Variants in SLC6A11 observed in about 807,000 individuals in gnomAD.
SLC6A11 encodes solute carrier family 6 member 11, also known as sodium- and chloride-dependent GABA transporter 3.
In SLC6A11, 25 loss-of-function variants were observed where a neutral mutation model predicts 74.8. The ratio of observed to expected loss-of-function variants is 0.33; its 90% CI spans 0.24 to 0.47. The LOEUF is 0.47. Among genes scored for constraint, SLC6A11 ranks in the 20% least tolerant of loss-of-function variants. The probability of loss-of-function intolerance (pLI) is 1.00; values close to 1 mark genes in which losing one functional copy is unlikely to be tolerated. For missense variants in SLC6A11, 574 were observed against 837.0 expected, an observed-to-expected ratio of 0.69 and a Z score of 3.88; for synonymous variants, 330 against 330.2, an observed-to-expected ratio of 1.00 and a Z score of 0.01.
At chr3:10,828,753 C>T (rs146899120) in intron 4 of SLC6A11, among the ~76,000 whole-genome samples, 5 of 152,290 alleles carry the variant, frequency 3.3e-5, no homozygotes, top group Non-Finnish European at 7.3e-5. Flanking sequence ...CCATGGAATC[C>T]ACACCCCAGT....
intron 4 of SLC6A11, among the ~76,000 whole-genome samples, chr3:10,829,974 T>C (rs999012371): frequency 1.3e-5 from 2 of 152,046 alleles, no homozygotes; most frequent in Non-Finnish European, 2.9e-5. Context: ...GTGCTGGGCA[T>C]CTTATAAGTA....
chr3:10,911,436 A>G (rs1404200808), intron 6 of SLC6A11, among the ~76,000 whole-genome samples: 1 of 152,168 alleles, frequency 6.6e-6, no homozygotes, highest in African/African-American at 2.4e-5. Flanking sequence ...GGACTAGGAA[A>G]GTAGTTATCT....
intron 5 of SLC6A11, among the ~76,000 whole-genome samples, chr3:10,860,557 A>T (rs1391076842): frequency 1.3e-5 from 2 of 152,202 alleles, no homozygotes; most frequent in African/African-American, 2.4e-5. Flanking sequence ...GGGAAAATCC[A>T]GGCTAATGAG....
chr3:10,859,913 T>C (rs1332905187), intron 5 of SLC6A11, among the ~76,000 whole-genome samples: 1 of 152,244 alleles, frequency 6.6e-6, no homozygotes, highest in Non-Finnish European at 1.5e-5. Context: ...CAGACTCTAC[T>C]GTTGCTTTGA....
chr3:10,916,514 G>T (rs1351550664), intron 7 of SLC6A11, among the ~76,000 whole-genome samples: 3 of 152,212 alleles, frequency 2.0e-5, no homozygotes. Flanking sequence ...AGCTCCACGT[G>T]TGTACATTCT....
chr3:10,845,573 C>G (rs942418060), intron 5 of SLC6A11, among the ~76,000 whole-genome samples: 1 of 152,134 alleles, frequency 6.6e-6, no homozygotes, highest in Non-Finnish European at 1.5e-5. Flanking sequence ...AAAAGATGTT[C>G]CCCTCAGCTC....
chr3:10,827,259 A>G (rs11128528), intron 4 of SLC6A11, among the ~76,000 whole-genome samples: 60,809 of 151,952 alleles, frequency 0.4, 13,602 homozygotes, highest in African/African-American at 0.59. Flanking sequence ...TTATTTTCCT[A>G]TGGAATAAAT....
intron 6 of SLC6A11, among the ~76,000 whole-genome samples, chr3:10,888,338 G>C (rs1283580202): frequency 2.0e-5 from 3 of 152,196 alleles, no homozygotes; most frequent in African/African-American, 7.2e-5. Flanking sequence ...CAGCCAGATT[G>C]GGGGAAAATG....
At chr3:10,900,073 TGGA>T (rs1324391280) in intron 6 of SLC6A11, among the ~76,000 whole-genome samples, 162 of 152,342 alleles carry the variant, frequency 1.1e-3, no homozygotes, top group African/African-American at 3.8e-3. Flanking sequence ...AAATGGGGGT[TGGA>T]TGTGCATGTC....
intron 4 of SLC6A11, among the ~76,000 whole-genome samples, chr3:10,828,802 C>G (rs1290856056): frequency 6.6e-6 from 1 of 152,206 alleles, no homozygotes; most frequent in East Asian, 1.9e-4. Flanking sequence ...TGCCCCATCA[C>G]TCTTTCTTAA....
At chr3:10,919,678 C>A (rs558468752) in intron 8 of SLC6A11, among the ~76,000 whole-genome samples, 6 of 152,324 alleles carry the variant, frequency 3.9e-5, no homozygotes, top group African/African-American at 1.2e-4. Flanking sequence ...CTGAGGAAAT[C>A]AGGCGTACAA....
At chr3:10,892,486 C>G (rs1179571375) in intron 6 of SLC6A11, among the ~76,000 whole-genome samples, 2 of 152,112 alleles carry the variant, frequency 1.3e-5, no homozygotes, top group Non-Finnish European at 2.9e-5. Flanking sequence ...GCTCCACCAC[C>G]GACCTTGAAC....
At chr3:10,875,976 TAATC>T (rs1575685656) in intron 6 of SLC6A11, among the ~76,000 whole-genome samples, 1 of 152,258 alleles carries the variant, frequency 6.6e-6, no homozygotes, top group Admixed American at 6.5e-5. Flanking sequence ...TGAAATAACT[TAATC>T]AAAGACATTT....
rs768207772 is a variant in SLC6A11, at chr3:10,816,433, G to A, written c.168G>A (p.Lys56=). The A allele has an allele frequency of 6.2e-7, 1 of 1,603,586 alleles. No individual in the cohort carries two copies. The highest frequency in any genetic ancestry group is 1.7e-5 in the Admixed American group (1 of 59,326). The part of the protein sequence containing the change: ...AVHERGHWNN[K]VEFVLSVAGE... The stretch of plus-strand genomic sequence containing the variant: ...ACGAGCGCGGCCACTGGAACAACAA[G>A]GTGGAGTTCGTGCTGAGCGTGGCCG... Residue 56 remains lysine, a synonymous_variant, in exon 1 of 14, where the codon AAG becomes AAA. Coordinates refer to ENST00000254488, the MANE Select transcript of SLC6A11 (RefSeq NM_014229.3). This position sits in a 1 kb window ranked among gnomAD's most constrained non-coding sequence, Gnocchi z 4.2.
chr3:10,842,633 C>T (rs1457463835), intron 4 of SLC6A11, among the ~76,000 whole-genome samples: 1 of 151,886 alleles, frequency 6.6e-6, no homozygotes, highest in African/African-American at 2.4e-5. Flanking sequence ...TTTTTTGGTC[C>T]ACCTTATCCT....
chr3:10,844,199 C>T lies in SLC6A11; in HGVS notation c.624-15C>T. ...CAGCCCCAGCCCCAGTGACTCTCCA[C>T]CCTCCCTTCTGCAGGCACCGGGTCC... On this transcript the variant is annotated splice_polypyrimidine_tract_variant and intron_variant, in intron 4 of 13. Coordinates refer to ENST00000254488, the MANE Select transcript of SLC6A11 (RefSeq NM_014229.3). 2 of 1,614,160 alleles carry T rather than the reference C, an allele frequency of 1.2e-6. No individual in the cohort carries two copies. Among genetic ancestry groups the T allele is most frequent in the East Asian group, 2.2e-5 (1 of 44,876 alleles).
chr3:10,919,708 G>C (rs910102831), intron 8 of SLC6A11, among the ~76,000 whole-genome samples: 1 of 152,236 alleles, frequency 6.6e-6, no homozygotes. Flanking sequence ...GAGGATACGA[G>C]TATGATCAAA....
intron 5 of SLC6A11, among the ~76,000 whole-genome samples, chr3:10,854,929 A>C (rs980510843): frequency 1.3e-5 from 2 of 152,158 alleles, no homozygotes; most frequent in Non-Finnish European, 2.9e-5. Context: ...GAATAGGTGA[A>C]TAGATGGATG....
At chr3:10,873,110 C>G (rs1202335010) in intron 5 of SLC6A11, among the ~76,000 whole-genome samples, 1 of 152,172 alleles carries the variant, frequency 6.6e-6, no homozygotes, top group East Asian at 1.9e-4. Context: ...ACAAGCAGCC[C>G]CTGGGACGGG....
Sources: allele counts gnomAD v4.1 joint callset (sites outside exome capture counted in the v4.1 genomes callset), GRCh38; gene constraint gnomAD v4.1.1; non-coding constraint Gnocchi (gnomAD v3.1); transcripts MANE v1.5; gene names NCBI Gene and HGNC (gene_info 2026-07-23, HGNC 2026-07-21).